ISLR2: variants seen among roughly 807,000 people sequenced by gnomAD.
ISLR2 encodes immunoglobulin superfamily containing leucine rich repeat 2.
In ISLR2, 16 loss-of-function variants were observed where a neutral mutation model predicts 25.5. That is an observed-to-expected ratio of 0.63 (90% CI 0.43 to 0.95). ISLR2 has a LOEUF of 0.95. ISLR2 is among the 40% of genes least tolerant of loss of function. The probability of loss-of-function intolerance (pLI) is 0.00; values close to 1 mark genes in which losing one functional copy is unlikely to be tolerated. For missense variants in ISLR2, 883 were observed against 1,030.7 expected (o/e 0.86, Z 1.96); for synonymous variants, 508 against 486.6 (o/e 1.04, Z -0.58).
At chr15:74,141,394 C>A (rs1295005208), downstream of ISLR2, among the ~76,000 whole-genome samples, 8 of 152,116 alleles carry the variant, frequency 5.3e-5, no homozygotes, top group Admixed American at 5.2e-4. Flanking sequence ...AGAAAAATTT[C>A]TATGATTATA....
chr15:74,127,693 G>C (rs1169226875), upstream of ISLR2: 2 of 152,480 alleles, frequency 1.3e-5, no homozygotes, highest in African/African-American at 4.8e-5. Context: ...CGCCCGGCAA[G>C]CGGCTTCCAG....
Position 74,106,677 on chromosome 15 carries a change from T to C in ISLR2, n.228+2763T>C, listed in dbSNP as rs182209516. ...TGACCATGAATGGGGTTCTGAGAGG[T>C]TAAATGACTTGCCCAGGGCCCCAGA... On this transcript the variant is annotated intron_variant and non_coding_transcript_variant, in intron 2 of 3. Transcript: ENST00000561975. Among the ~76,000 whole-genome samples, 378 of 151,990 alleles carry C rather than the reference T, an allele frequency of 2.5e-3. 2 individuals carry two copies. The highest frequency in any genetic ancestry group is 8.7e-3 in the African/African-American group (363 of 41,490).
downstream of ISLR2, among the ~76,000 whole-genome samples, chr15:74,141,385 G>T (rs922506248): frequency 6.6e-6 from 1 of 152,168 alleles, no homozygotes; most frequent in African/African-American, 2.4e-5. Context: ...CCATTTGAGA[G>T]AAAAATTTCT....
chr15:74,106,891 A>G lies in ISLR2; in HGVS notation n.228+2977A>G, dbSNP rs1229731601. ...GGCCCACCACAGCAGAGAGCCGAGA[A>G]TTCTTACAGAGCCCTTCATTCTCTC... On this transcript the variant is annotated intron_variant and non_coding_transcript_variant, in intron 2 of 3. Transcript: ENST00000561975. Among the ~76,000 whole-genome samples the G allele has an allele frequency of 2.0e-5, 3 of 152,108 alleles. No homozygotes were observed. In the East Asian group the frequency reaches 5.8e-4, roughly 29 times the overall value.
chr15:74,127,380 G>T (rs2141942477), upstream of ISLR2: 1 of 152,340 alleles, frequency 6.6e-6, no homozygotes, highest in Non-Finnish European at 1.5e-5. Flanking sequence ...TGGGAGAGGT[G>T]TATAGGAAGG....
At chr15:74,104,533 A>G (rs900541582) in intron 2 of ISLR2, among the ~76,000 whole-genome samples, 1 of 152,182 alleles carries the variant, frequency 6.6e-6, no homozygotes, top group African/African-American at 2.4e-5. Context: ...CTGTAACCCC[A>G]GTGCATTGTG....
At position 74,114,538 on chromosome 15, in the gene ISLR2, G is replaced by A. The variant is rs145772774; in HGVS notation, n.228+10624G>A. Among the ~76,000 whole-genome samples the A allele has an allele frequency of 5.9e-5, 9 of 151,944 alleles. No individual in the cohort carries two copies. The East Asian group carries it at 9.7e-4, about 16-fold the overall frequency. ...TTTGGGAGGCTGAGGTGGGAGGATCGCTTGAGGCCATGAAGTGGAGGTGGC... is the reference window on the plus strand; with the variant it reads ...TTTGGGAGGCTGAGGTGGGAGGATCACTTGAGGCCATGAAGTGGAGGTGGC... On this transcript the variant is annotated intron_variant and non_coding_transcript_variant, in intron 2 of 3. Coordinates refer to the ISLR2 transcript ENST00000561975.
At chr15:74,117,313 T>G (rs1376089696) in intron 2 of ISLR2, among the ~76,000 whole-genome samples, 16 of 152,212 alleles carry the variant, frequency 1.1e-4, no homozygotes, top group Admixed American at 6.5e-5. Context: ...TGTCTCAGTC[T>G]GAAAACTGGG....
At chr15:74,139,101 C>T (rs1053221027), downstream of ISLR2, among the ~76,000 whole-genome samples, 1 of 152,188 alleles carries the variant, frequency 6.6e-6, no homozygotes, top group Admixed American at 6.5e-5. Context: ...AAAGCTCTGC[C>T]CCTCTTTGTC....
At chr15:74,128,679 T>G (rs2072337226), upstream of ISLR2, 1 of 455,854 alleles carries the variant, frequency 2.2e-6, no homozygotes, top group African/African-American at 2.0e-5. Flanking sequence ...CGGAGGGCCT[T>G]GAGCCTCCCC....
At position 74,135,202 on chromosome 15, in the gene ISLR2, GGGCTGAATCCCCTTCCCCGCCAAGCA is replaced by G; in HGVS notation, c.*211_*236del. ...TACCCACGGCTGCCATTCTCCCTGC[GGGCTGAATCCCCTTCCCCGCCAAGCA>G]CAGTGTTTATCTTACCCCATGCAAG... On this transcript the variant is annotated 3_prime_UTR_variant, in exon 3 of 3. Coordinates refer to ENST00000453268, the MANE Select transcript of ISLR2 (RefSeq NM_020851.3). The G allele has an allele frequency of 1.6e-6, 1 of 624,734 alleles. No individual in the cohort carries two copies. The highest frequency in any genetic ancestry group is 2.9e-6 in the Non-Finnish European group (1 of 350,232). The allele number at this position is 624,734 out of a possible 1,614,324, so 38.7% of individuals were successfully genotyped here.
At chr15:74,112,532 T>C (rs987854816) in intron 2 of ISLR2, among the ~76,000 whole-genome samples, 3 of 151,738 alleles carry the variant, frequency 2.0e-5, no homozygotes, top group African/African-American at 7.3e-5. Flanking sequence ...GGGTCTGCTT[T>C]TTTTTTTTTT....
intron 2 of ISLR2, among the ~76,000 whole-genome samples, chr15:74,111,240 T>C (rs1475052478): frequency 6.6e-6 from 1 of 151,604 alleles, no homozygotes; most frequent in African/African-American, 2.4e-5. Context: ...AAAGCCAATC[T>C]CAAAAGGCCA....
chr15:74,135,243 C>T lies in ISLR2; in HGVS notation c.*251C>T. ...CCCGCCAAGCACAGTGTTTATCTTA[C>T]CCCATGCAAGACTCCACCCGCAGAC... On this transcript the variant is annotated 3_prime_UTR_variant, in exon 3 of 3. Transcript: ENST00000453268. 1 of 535,116 alleles carries T rather than the reference C, an allele frequency of 1.9e-6. No individual in the cohort carries two copies. Among genetic ancestry groups the T allele is most frequent in the South Asian group, 2.6e-5 (1 of 38,462 alleles). 33.1% of individuals were successfully genotyped at this position (535,116 alleles called of 1,614,324 possible). A position where few individuals can be genotyped will look rare whatever the true frequency, so the allele number is the denominator to read the frequency against.
chr15:74,108,841 T>G (rs920016967), intron 2 of ISLR2, among the ~76,000 whole-genome samples: 10 of 151,588 alleles, frequency 6.6e-5, no homozygotes, highest in Admixed American at 2.6e-4. Flanking sequence ...CCACAGGAGG[T>G]GCTGGTGGGT....
At chr15:74,104,744 A>C (rs950921997) in intron 2 of ISLR2, among the ~76,000 whole-genome samples, 8 of 151,726 alleles carry the variant, frequency 5.3e-5, no homozygotes, top group African/African-American at 1.7e-4. Flanking sequence ...ACTGTACTCA[A>C]AAAAAAAAAT....
At chr15:74,137,560 G>A (rs2072582876), downstream of ISLR2, among the ~76,000 whole-genome samples, 1 of 152,196 alleles carries the variant, frequency 6.6e-6, no homozygotes, top group African/African-American at 2.4e-5. Flanking sequence ...GTGAGGAACA[G>A]GAGAGACAGG....
rs545433515 is a variant in ISLR2 at position 74,136,009 on chromosome 15, A to T, written c.*1017A>T. The stretch of plus-strand genomic sequence containing the variant: ...TCCTGTTTTCGTTGTTTTCAAAGAC[A>T]GCGACATTTCGGGTCTGGTGCTAAC... On this transcript the variant is annotated 3_prime_UTR_variant, in exon 3 of 3. Transcript: ENST00000453268. 17 of 166,914 alleles carry T rather than the reference A, an allele frequency of 1.0e-4. No homozygotes were observed. The highest frequency in any genetic ancestry group is 4.1e-4 in the African/African-American group (17 of 41,366). The allele number at this position is 166,914 out of a possible 1,614,324, so 10.3% of individuals were successfully genotyped here. A position where few individuals can be genotyped will look rare whatever the true frequency, so the allele number is the denominator to read the frequency against.
At chr15:74,106,952 T>C (rs1466864353) in intron 2 of ISLR2, among the ~76,000 whole-genome samples, 1 of 152,082 alleles carries the variant, frequency 6.6e-6, no homozygotes, top group Non-Finnish European at 1.5e-5. Context: ...TACTAGTTGC[T>C]CTGATATAAG....
Sources: gnomAD v4.1 joint callset for allele counts (sites outside exome capture counted in the v4.1 genomes callset) on GRCh38, gnomAD v4.1.1 for gene constraint, MANE v1.5 for transcripts, NCBI Gene and HGNC (gene_info 2026-07-23, HGNC 2026-07-21) for gene names.